Variants in MYT1L observed in about 807,000 individuals in gnomAD.
MYT1L encodes myelin transcription factor 1-like protein.
In MYT1L, 12 loss-of-function variants were observed where a neutral mutation model predicts 126.7. That is an observed-to-expected ratio of 0.09 (90% confidence interval 0.06 to 0.15). The LOEUF is 0.15. Among genes scored for constraint, MYT1L ranks in the 10% least tolerant of loss-of-function variants. MYT1L has a pLI of 1.00. For missense variants in MYT1L, 979 were observed against 1,585.2 expected (o/e 0.62, Z 6.49); for synonymous variants, 541 against 604.2 (o/e 0.90, Z 1.53).
chr2:1,925,713 T>G, intron 9 of MYT1L, among the ~76,000 whole-genome samples: 1 of 152,130 alleles, frequency 6.6e-6, no homozygotes, highest in East Asian at 1.9e-4. Flanking sequence ...AGCTTTATAC[T>G]CTAATCACAA....
chr2:2,243,145 C>A (rs2149157586), intron 2 of MYT1L, among the ~76,000 whole-genome samples: 1 of 152,226 alleles, frequency 6.6e-6, no homozygotes, highest in East Asian at 1.9e-4. Flanking sequence ...GTTGGAAAAC[C>A]AAAGGAGAAA....
intron 2 of MYT1L, among the ~76,000 whole-genome samples, chr2:2,225,194 C>G (rs1371922665): frequency 6.6e-6 from 1 of 151,920 alleles, no homozygotes; most frequent in Non-Finnish European, 1.5e-5. Flanking sequence ...GCACTCTGTT[C>G]CTGCCTTAAT....
At chr2:1,951,168 A>T (rs2057719744) in intron 8 of MYT1L, among the ~76,000 whole-genome samples, 1 of 151,840 alleles carries the variant, frequency 6.6e-6, no homozygotes, top group Admixed American at 6.6e-5. Context: ...GCTAAATTTG[A>T]GGTGTCTCAG....
At chr2:1,792,513 G>A in intron 23 of MYT1L, 49 bp from the exon 24 acceptor site, 2 of 1,575,972 alleles carry the variant, frequency 1.3e-6, no homozygotes, top group Non-Finnish European at 1.7e-6. Context: ...GGACCTAGGA[G>A]CGCGTGGTCG....
chr2:2,095,905 G>A (rs760286092), intron 3 of MYT1L, among the ~76,000 whole-genome samples: 3 of 152,202 alleles, frequency 2.0e-5, no homozygotes, highest in Non-Finnish European at 4.4e-5. Context: ...GAGGGGCGGA[G>A]CAGAGCTTTG....
intron 1 of MYT1L, among the ~76,000 whole-genome samples, chr2:2,298,555 G>C (rs868194369): frequency 6.6e-6 from 1 of 152,110 alleles, no homozygotes; most frequent in Admixed American, 6.5e-5. Context: ...ACATAAATAC[G>C]TAATGTGATA....
In MYT1L at chr2:1,801,766, T is replaced by C. The variant is rs778475787; in HGVS notation, c.3206A>G (p.Asp1069Gly). 11 of 1,610,608 alleles carry C rather than the reference T, an allele frequency of 6.8e-6. No individual in the cohort carries two copies. The change falls in exon 23 of 25, where the codon GAT (aspartate) becomes GGT (glycine). Residue 1069 changes from aspartate to glycine, a missense_variant. Transcript: ENST00000647738. The surrounding 1 kb of genome is among the most constrained non-coding windows in gnomAD (Gnocchi z 4.2). ...IENDEEIKQL[D>G]EEIKELNESN... ...TTCATTTAGCTCCTTGATTTCTTCATCTAACTGTTTGATTTCTTCATCATT... is the reference window on the plus strand; with the variant it reads ...TTCATTTAGCTCCTTGATTTCTTCACCTAACTGTTTGATTTCTTCATCATT...
At chr2:2,170,076 G>T (rs1250385025) in intron 3 of MYT1L, among the ~76,000 whole-genome samples, 2 of 152,188 alleles carry the variant, frequency 1.3e-5, no homozygotes, top group African/African-American at 4.8e-5. Flanking sequence ...GGAAGCTTCT[G>T]CTAGCTCCAC....
At chr2:1,958,674 C>T (rs574047684) in intron 8 of MYT1L, among the ~76,000 whole-genome samples, 1 of 152,302 alleles carries the variant, frequency 6.6e-6, no homozygotes, top group East Asian at 1.9e-4. Context: ...TCCATGGGGG[C>T]TGTTCACTGT....
chr2:2,021,841 G>A (rs1462362237), intron 4 of MYT1L, among the ~76,000 whole-genome samples: 1 of 152,106 alleles, frequency 6.6e-6, no homozygotes, highest in Non-Finnish European at 1.5e-5. Context: ...AGCTTGCAGT[G>A]AGCCGAGATC....
chr2:1,802,126 G>A (rs577964354), intron 22 of MYT1L, among the ~76,000 whole-genome samples: 2 of 152,236 alleles, frequency 1.3e-5, no homozygotes, highest in South Asian at 2.1e-4. Context: ...CCTGAGTGCC[G>A]ATTTGCTGAG....
chr2:2,295,749 GAGAGACAGACAGAC>G (rs2095679002), intron 1 of MYT1L, among the ~76,000 whole-genome samples: 1 of 137,794 alleles, frequency 7.3e-6, no homozygotes, highest in Non-Finnish European at 1.7e-5. Flanking sequence ...GACAGAGAGA[GAGAGACAGACAGAC>G]AGACAGAGAG....
chr2:2,216,924 G>T (rs909502180), intron 2 of MYT1L, among the ~76,000 whole-genome samples: 3 of 152,078 alleles, frequency 2.0e-5, no homozygotes, highest in Admixed American at 1.3e-4. Context: ...CAATAACTTA[G>T]GGGAAATAGA....
chr2:1,850,065 C>CT (rs1156869756), intron 19 of MYT1L, among the ~76,000 whole-genome samples: 1 of 151,752 alleles, frequency 6.6e-6, no homozygotes, highest in African/African-American at 2.4e-5. Context: ...CTGACAGTGT[C>CT]TTTAACTCTC....
At chr2:2,004,529 ACGTTCTTTCCTGCATG>A (rs746182074) in intron 4 of MYT1L, among the ~76,000 whole-genome samples, 8 of 80,580 alleles carry the variant, frequency 9.9e-5, no homozygotes, top group East Asian at 9.3e-4. Context: ...TTTCCTGCAT[ACGTTCTTTCCTGCATG>A]CGTTCTTTCC....
intron 2 of MYT1L, among the ~76,000 whole-genome samples, chr2:2,253,578 G>T (rs1225414752): frequency 2.0e-5 from 3 of 152,284 alleles, no homozygotes; most frequent in Admixed American, 2.0e-4. Flanking sequence ...TAAAACACAG[G>T]ATCACGGAAG....
chr2:1,885,158 G>A (rs1170771717), intron 18 of MYT1L: 1 of 152,232 alleles, frequency 6.6e-6, no homozygotes, highest in African/African-American at 2.4e-5. Flanking sequence ...TCAAAGGAAT[G>A]CTGCCATGTT....
At chr2:2,260,045 G>A (rs959911848) in intron 2 of MYT1L, among the ~76,000 whole-genome samples, 6 of 152,140 alleles carry the variant, frequency 3.9e-5, no homozygotes, top group African/African-American at 7.2e-5. Context: ...TGACATTAGC[G>A]TGGCCTGGCT....
At chr2:2,036,707 C>T (rs918633315) in intron 4 of MYT1L, among the ~76,000 whole-genome samples, 31 of 152,224 alleles carry the variant, frequency 2.0e-4, no homozygotes, top group African/African-American at 6.8e-4. Context: ...GCTACATCAT[C>T]GCTCACCTGA....
Sources: gnomAD v4.1 joint callset for allele counts (sites outside exome capture counted in the v4.1 genomes callset) on GRCh38, gnomAD v4.1.1 for gene constraint, Gnocchi (gnomAD v3.1) non-coding constraint, MANE v1.5 for transcripts, NCBI Gene and HGNC (gene_info 2026-07-23, HGNC 2026-07-21) for gene names.